IGF1R: variants seen among roughly 807,000 people sequenced by gnomAD.
IGF1R encodes insulin like growth factor 1 receptor.
In IGF1R, 44 loss-of-function variants were observed where a neutral mutation model predicts 144.6. That is an observed-to-expected ratio of 0.30 (90% confidence interval 0.24 to 0.39). IGF1R has a LOEUF of 0.39. IGF1R is among the 10% of genes least tolerant of loss of function. The pLI, the probability that IGF1R is intolerant of heterozygous loss-of-function variation, is 1.00. For missense variants in IGF1R, 1,355 were observed against 1,833.7 expected (o/e 0.74, Z 4.77); for synonymous variants, 795 against 722.8 (o/e 1.10, Z -1.60).
intron 2 of IGF1R, among the ~76,000 whole-genome samples, chr15:98,841,918 C>T (rs1041629399): frequency 1.3e-5 from 2 of 152,150 alleles, no homozygotes; most frequent in Non-Finnish European, 2.9e-5. Context: ...GTTGGCCTCT[C>T]GAGGAGAACG....
At chr15:98,927,134 A>G (rs542646264) in intron 13 of IGF1R, among the ~76,000 whole-genome samples, 2 of 152,208 alleles carry the variant, frequency 1.3e-5, no homozygotes, top group Non-Finnish European at 2.9e-5. Flanking sequence ...CCAGGATGCC[A>G]GTGGGAAATC....
chr15:98,788,058 C>CTGTGTG (rs1462764560), intron 2 of IGF1R, among the ~76,000 whole-genome samples: 272 of 128,052 alleles, frequency 2.1e-3, no homozygotes, highest in African/African-American at 5.8e-3. Context: ...CTCTCTCTCT[C>CTGTGTG]TCTCTGTGTG....
At chr15:98,652,934 C>CT (rs5814887) in intron 1 of IGF1R, among the ~76,000 whole-genome samples, 42,573 of 143,210 alleles carry the variant, frequency 0.3, 6,599 homozygotes, top group East Asian at 0.37. Flanking sequence ...TCAATAAACC[C>CT]TTTTTTTTTT....
At chr15:98,771,184 A>C (rs2055574448) in intron 2 of IGF1R, among the ~76,000 whole-genome samples, 6 of 152,208 alleles carry the variant, frequency 3.9e-5, no homozygotes, top group Admixed American at 3.9e-4. Context: ...TCATCCCTCC[A>C]TCCAAGCACC....
Position 98,962,585 on chromosome 15 carries a change from T to A in IGF1R, c.*5143T>A, listed in dbSNP as rs1163794943. Reference sequence around the variant, plus strand: ...TTGGCCTTCATCTTAGATGACTGGTTGCGTCATTTGGAGAAGTGAGTGCTC... The same window carrying A: ...TTGGCCTTCATCTTAGATGACTGGTAGCGTCATTTGGAGAAGTGAGTGCTC... On this transcript the variant is annotated 3_prime_UTR_variant, in exon 21 of 21. Coordinates refer to ENST00000650285, the MANE Select transcript of IGF1R (RefSeq NM_000875.5). The A allele has an allele frequency of 4.3e-6, 1 of 233,718 alleles. No individual in the cohort carries two copies. Among genetic ancestry groups the A allele is most frequent in the Non-Finnish European group, 8.5e-6 (1 of 118,148 alleles). The allele number at this position is 233,718 out of a possible 1,614,324, so 14.5% of individuals were successfully genotyped here.
At chr15:98,878,693 A>AAAAAAACAAAAAAAAC (rs1567174382) in intron 2 of IGF1R, among the ~76,000 whole-genome samples, 1 of 126,120 alleles carries the variant, frequency 7.9e-6, no homozygotes, top group Non-Finnish European at 1.6e-5. Context: ...AAAAAAAAAA[A>AAAAAAACAAAAAAAAC]AACAACAACA....
chr15:98,944,894 C>T (rs1027005775), intron 19 of IGF1R, among the ~76,000 whole-genome samples: 2 of 152,238 alleles, frequency 1.3e-5, no homozygotes, highest in African/African-American at 4.8e-5. Flanking sequence ...TGTGTGACAC[C>T]CATTGGACCT....
chr15:98,888,509 T>A (rs1596399605), intron 2 of IGF1R, among the ~76,000 whole-genome samples: 1 of 151,906 alleles, frequency 6.6e-6, no homozygotes, highest in Non-Finnish European at 1.5e-5. Flanking sequence ...ATTTGTGTTA[T>A]CCTCTTCAAG....
intron 1 of IGF1R, among the ~76,000 whole-genome samples, chr15:98,654,899 A>G (rs2052449582): frequency 6.6e-6 from 1 of 152,186 alleles, no homozygotes; most frequent in African/African-American, 2.4e-5. Flanking sequence ...CCTCCTGGAA[A>G]ATGGTGTTTG....
intron 2 of IGF1R, among the ~76,000 whole-genome samples, chr15:98,731,739 T>A (rs1472964011): frequency 6.6e-6 from 1 of 152,206 alleles, no homozygotes; most frequent in African/African-American, 2.4e-5. Flanking sequence ...TGTTAGCTCT[T>A]CTCTGGTTAG....
chr15:98,874,712 AC>A (rs2012965092), intron 2 of IGF1R, among the ~76,000 whole-genome samples: 1 of 151,976 alleles, frequency 6.6e-6, no homozygotes. Flanking sequence ...GAATTCGAAG[AC>A]CCCTTCCATT....
intron 18 of IGF1R, 24 bp from the exon 19 acceptor site, chr15:98,942,897 ACT>A (rs1300445207): frequency 6.2e-7 from 1 of 1,613,852 alleles, no homozygotes; most frequent in East Asian, 2.2e-5. Context: ...CCAGCGTGTG[ACT>A]CTGCGCCCTC....
chr15:98,894,360 T>C (rs2014071924), intron 3 of IGF1R, among the ~76,000 whole-genome samples: 1 of 152,232 alleles, frequency 6.6e-6, no homozygotes, highest in Admixed American at 6.5e-5. Context: ...AACACAAAAA[T>C]ATGTACACCA....
At chr15:98,659,770 A>G (rs1242500006) in intron 1 of IGF1R, among the ~76,000 whole-genome samples, 3 of 152,224 alleles carry the variant, frequency 2.0e-5, no homozygotes, top group Admixed American at 6.5e-5. Context: ...AGATTAAAAA[A>G]ACACTACTGA....
chr15:98,939,450 T>C, intron 18 of IGF1R, 90 bp downstream of exon 18: 2 of 1,228,200 alleles, frequency 1.6e-6, no homozygotes, highest in Non-Finnish European at 2.4e-6. Flanking sequence ...GGAGAGGTTT[T>C]CTAGTGTGTC....
chr15:98,818,606 G>C (rs552962916), intron 2 of IGF1R, among the ~76,000 whole-genome samples: 73 of 152,156 alleles, frequency 4.8e-4, no homozygotes, highest in African/African-American at 1.7e-3. Context: ...GTGCAGTCCT[G>C]AACCAGTGCC....
intron 3 of IGF1R, 85 bp from the exon 4 acceptor site, chr15:98,896,672 G>GA: frequency 7.3e-7 from 1 of 1,368,756 alleles, no homozygotes; most frequent in Non-Finnish European, 1.0e-6. Context: ...TAATAACAAT[G>GA]AAAAGCATAT....
chr15:98,963,816 A>G lies in IGF1R; in HGVS notation c.*6374A>G, dbSNP rs922458419. 8.6e-6 allele frequency: 2 copies of G among 233,006 alleles called. No individual in the cohort carries two copies. The highest frequency in any genetic ancestry group is 4.4e-5 in the African/African-American group (2 of 45,368). 14.4% of individuals were successfully genotyped at this position (233,006 alleles called of 1,614,324 possible). A position where few individuals can be genotyped will look rare whatever the true frequency, so the allele number is the denominator to read the frequency against. The stretch of plus-strand genomic sequence containing the variant: ...CAGAAAAGAATTTTTAATAAAAACT[A>G]TAACATACACAAAAATTGGTTTTAA... On this transcript the variant is annotated 3_prime_UTR_variant, in exon 21 of 21. Coordinates refer to ENST00000650285, the MANE Select transcript of IGF1R (RefSeq NM_000875.5).
intron 20 of IGF1R, among the ~76,000 whole-genome samples, chr15:98,952,168 A>C (rs952922221): frequency 6.6e-6 from 1 of 152,134 alleles, no homozygotes; most frequent in African/African-American, 2.4e-5. Flanking sequence ...AAACCTCAGA[A>C]GTCACACTGA....
Sources: allele counts gnomAD v4.1 joint callset (sites outside exome capture counted in the v4.1 genomes callset), GRCh38; gene constraint gnomAD v4.1.1; transcripts MANE v1.5; gene names NCBI Gene and HGNC (gene_info 2026-07-23, HGNC 2026-07-21).